The following NAV3 variants were observed in gnomAD, a reference collection of about 807,000 sequenced individuals.
NAV3 encodes the protein pore membrane and/or filament interacting like protein 1.
Under a neutral mutation model 244.7 loss-of-function variants are expected in NAV3, and 87 were observed. The ratio of observed to expected loss-of-function variants is 0.36; its 90% confidence interval spans 0.30 to 0.42. NAV3 has a LOEUF of 0.42. Ranked by LOEUF, NAV3 falls within the 20% of genes least tolerant of loss-of-function variation. The probability of loss-of-function intolerance (pLI) is 1.00; values close to 1 mark genes in which losing one functional copy is unlikely to be tolerated. For missense variants in NAV3, 2,663 were observed against 2,893.3 expected, an observed-to-expected ratio of 0.92 and a Z score of 1.83; for synonymous variants, 1,126 against 1,042.2, an observed-to-expected ratio of 1.08 and a Z score of -1.55.
chr12:78,106,573 A>G (rs1224524505), intron 12 of NAV3, among the ~76,000 whole-genome samples: 3 of 152,224 alleles, frequency 2.0e-5, no homozygotes, highest in Non-Finnish European at 4.4e-5. Flanking sequence ...CTATAATTCA[A>G]ATGGAAATGC....
chr12:78,061,809 G>C (rs1295110746), intron 12 of NAV3, among the ~76,000 whole-genome samples: 1 of 151,408 alleles, frequency 6.6e-6, no homozygotes, highest in South Asian at 2.1e-4. Context: ...TTTTGTTCAT[G>C]TTTACTAAAA....
intron 2 of NAV3, among the ~76,000 whole-genome samples, chr12:77,614,751 A>T (rs1871082293): frequency 6.6e-6 from 1 of 152,200 alleles, no homozygotes; most frequent in African/African-American, 2.4e-5. Context: ...GTGCTTTCAC[A>T]TACTTGTTAG....
chr12:78,196,307 C>A (rs1959173422), intron 34 of NAV3, among the ~76,000 whole-genome samples: 1 of 151,744 alleles, frequency 6.6e-6, no homozygotes, highest in Non-Finnish European at 1.5e-5. Context: ...AAATCCTGGC[C>A]CGTTGTTTTA....
chr12:77,884,054 A>G (rs749784495), intron 1 of NAV3, among the ~76,000 whole-genome samples: 5 of 152,160 alleles, frequency 3.3e-5, no homozygotes, highest in Non-Finnish European at 7.4e-5. Context: ...TGTTTCATTC[A>G]TTCAAGTAAA....
intron 39 of NAV3, among the ~76,000 whole-genome samples, chr12:78,208,284 C>G (rs957740008): frequency 2.6e-5 from 4 of 152,046 alleles, no homozygotes; most frequent in Non-Finnish European, 5.9e-5. Flanking sequence ...CTCACTGACC[C>G]CTAACCAGAA....
At chr12:78,020,968 G>T (rs1404611502) in intron 8 of NAV3, among the ~76,000 whole-genome samples, 1 of 152,080 alleles carries the variant, frequency 6.6e-6, no homozygotes, top group African/African-American at 2.4e-5. Context: ...TTTAAAATGT[G>T]TGTTAGTTTG....
chr12:77,746,656 G>T (rs1868560702), intron 2 of NAV3, among the ~76,000 whole-genome samples: 1 of 152,072 alleles, frequency 6.6e-6, no homozygotes, highest in African/African-American at 2.4e-5. Flanking sequence ...TATAACATTT[G>T]ATATAGCTGA....
At chr12:77,709,675 C>T (rs1876010571) in intron 2 of NAV3, among the ~76,000 whole-genome samples, 1 of 152,136 alleles carries the variant, frequency 6.6e-6, no homozygotes, top group Non-Finnish European at 1.5e-5. Context: ...TGAGAAATTA[C>T]ATAACATGCC....
At chr12:77,928,601 T>G (rs2137278858) in intron 1 of NAV3, among the ~76,000 whole-genome samples, 1 of 152,324 alleles carries the variant, frequency 6.6e-6, no homozygotes, top group South Asian at 2.1e-4. Context: ...TTGATTTGAC[T>G]ATGAATGACA....
intron 8 of NAV3, among the ~76,000 whole-genome samples, chr12:78,018,466 C>A (rs898488829): frequency 2.6e-5 from 4 of 152,138 alleles, no homozygotes; most frequent in Admixed American, 2.6e-4. Flanking sequence ...TCCAAGTTTT[C>A]TTTTACTCCA....
chr12:77,887,087 T>C (rs1270776), intron 1 of NAV3, among the ~76,000 whole-genome samples: 136,279 of 152,174 alleles, frequency 0.9, 61,081 homozygotes, highest in East Asian at 1. Flanking sequence ...TCTGGAGAAA[T>C]AGAGGAACCT....
chr12:77,912,460 T>G (rs1372043238), intron 1 of NAV3, among the ~76,000 whole-genome samples: 9 of 152,164 alleles, frequency 5.9e-5, no homozygotes, highest in Admixed American at 5.9e-4. Context: ...TGCTCACAGA[T>G]GAATTACTCA....
chr12:77,873,718 GCT>G (rs1348377428), intron 1 of NAV3, among the ~76,000 whole-genome samples: 1 of 69,896 alleles, frequency 1.4e-5, no homozygotes, highest in African/African-American at 4.4e-5. Flanking sequence ...TACATGATTT[GCT>G]TATCTAAATA....
chr12:77,720,751 A>G (rs1470511535), intron 2 of NAV3, among the ~76,000 whole-genome samples: 2 of 152,084 alleles, frequency 1.3e-5, no homozygotes, highest in Non-Finnish European at 2.9e-5. Flanking sequence ...GCCAGCTTTG[A>G]TGCAGTGGTT....
chr12:77,642,281 A>T (rs1872448846), intron 2 of NAV3, among the ~76,000 whole-genome samples: 1 of 152,008 alleles, frequency 6.6e-6, no homozygotes, highest in Admixed American at 6.6e-5. Context: ...AAAAATCTTT[A>T]ATTATTATTT....
At chr12:77,823,274 A>G (rs1407869520) in intron 2 of NAV3, among the ~76,000 whole-genome samples, 1 of 152,130 alleles carries the variant, frequency 6.6e-6, no homozygotes, top group Non-Finnish European at 1.5e-5. Context: ...GAGAGAGAGA[A>G]AGATAAAATG....
At chr12:77,642,832 A>C (rs1872471769) in intron 2 of NAV3, among the ~76,000 whole-genome samples, 1 of 152,134 alleles carries the variant, frequency 6.6e-6, no homozygotes, top group African/African-American at 2.4e-5. Context: ...TTCAGAAAGA[A>C]AACCAAGTTT....
intron 2 of NAV3, among the ~76,000 whole-genome samples, chr12:77,764,495 A>G (rs1869641833): frequency 6.6e-6 from 1 of 152,250 alleles, no homozygotes; most frequent in African/African-American, 2.4e-5. Context: ...AGACAAATTT[A>G]ATTTAGAAAC....
intron 2 of NAV3, among the ~76,000 whole-genome samples, chr12:77,605,155 A>G (rs1870614270): frequency 6.6e-6 from 1 of 152,124 alleles, no homozygotes; most frequent in Non-Finnish European, 1.5e-5. Flanking sequence ...TAAATAATAT[A>G]AGATAAAATA....
Sources: gnomAD v4.1 joint callset for allele counts (sites outside exome capture counted in the v4.1 genomes callset) on GRCh38, gnomAD v4.1.1 for gene constraint, MANE v1.5 for transcripts, NCBI Gene and HGNC (gene_info 2026-07-23, HGNC 2026-07-21) for gene names.